PITPNM3: variants seen among roughly 807,000 people sequenced by gnomAD.
PITPNM3 encodes the protein PITPNM family member 3, also known as membrane-associated phosphatidylinositol transfer protein 3.
A neutral mutation model predicts 102.0 loss-of-function variants in PITPNM3; 26 were observed. The ratio of observed to expected loss-of-function variants is 0.25; its 90% CI spans 0.19 to 0.35. The LOEUF is 0.35. Among genes scored for constraint, PITPNM3 ranks in the 10% least tolerant of loss-of-function variants. The pLI is 1.00. For missense variants in PITPNM3, 1,083 were observed against 1,346.1 expected (o/e 0.80, Z 3.06); for synonymous variants, 578 against 558.6 (o/e 1.03, Z -0.49).
At position 6,470,617 on chromosome 17, in the gene PITPNM3, C is replaced by T. The variant is rs772542567; in HGVS notation, c.1625-209G>A. On this transcript the variant is annotated intron_variant, in intron 12 of 19. Transcript: ENST00000262483. The surrounding 1 kb of genome is among the most constrained non-coding windows in gnomAD (Gnocchi z 4.8). Reference sequence around the variant, plus strand: ...CCCACCAGCCCTCCCCTAAGATGTGCGTGCCAAGCCCATGCCCAGGAAGGA... The same window carrying T: ...CCCACCAGCCCTCCCCTAAGATGTGTGTGCCAAGCCCATGCCCAGGAAGGA... 1.3e-5 allele frequency among the ~76,000 whole-genome samples: 2 copies of T among 152,154 alleles called. No individual in the cohort carries two copies. Among genetic ancestry groups the T allele is most frequent in the Admixed American group, 6.5e-5 (1 of 15,280 alleles).
Position 6,472,575 on chromosome 17 carries a change from C to T in PITPNM3, c.1429+82G>A. On this transcript the variant is annotated intron_variant, in intron 11 of 19. Transcript: ENST00000262483. The surrounding 1 kb of genome is among the most constrained non-coding windows in gnomAD (Gnocchi z 4.1). The stretch of plus-strand genomic sequence containing the variant: ...GCCCCTGCTCAGGTGAGTCACCCTA[C>T]TCACTGAGAGCTTGGAGGGGTTGAA... 3.3e-6 allele frequency: 5 copies of T among 1,514,624 alleles called. No individual in the cohort carries two copies. The highest frequency in any genetic ancestry group is 2.4e-5 in the South Asian group (2 of 83,734). 93.8% of individuals were successfully genotyped at this position (1,514,624 alleles called of 1,614,324 possible).
intron 2 of PITPNM3, among the ~76,000 whole-genome samples, chr17:6,530,824 A>G (rs1317956437): frequency 1.3e-5 from 2 of 152,228 alleles, no homozygotes; most frequent in Non-Finnish European, 2.9e-5. Flanking sequence ...TGGGAAACCG[A>G]AAGAAAAGTA....
chr17:6,461,586 C>T, intron 17 of PITPNM3, 30 bp from the exon 18 acceptor site: 8 of 1,611,442 alleles, frequency 5.0e-6, no homozygotes, highest in Non-Finnish European at 6.8e-6. Context: ...AGGGTCCAGC[C>T]CTGCCCAGTG....
At position 6,474,453 on chromosome 17, in the gene PITPNM3, T is replaced by C; in HGVS notation, c.1237A>G (p.Thr413Ala). Residue 413 changes from threonine to alanine, a missense_variant, in exon 10 of 20, where the codon ACG (threonine) becomes GCG (alanine). Around this residue, in one of 5 missense-constraint regions of PITPNM3, gnomAD observed 410 missense variants for 638.4 expected, o/e 0.64. Transcript: ENST00000262483. ...CTACCGTCCAGCCCAGGCAGCACCG[T>C]CCTCCGCATGGCCAGGACCAGGCCC... Reference protein sequence around the residue: ...PLGLVLAMRRTVLPGLDGFQV... With the variant: ...PLGLVLAMRRAVLPGLDGFQV... 1 of 1,613,398 alleles carries C rather than the reference T, an allele frequency of 6.2e-7. No individual in the cohort carries two copies. The highest frequency in any genetic ancestry group is 8.5e-7 in the Non-Finnish European group (1 of 1,179,946).
chr17:6,468,916 C>T lies in PITPNM3; in HGVS notation c.1774-575G>A, dbSNP rs376025491. The stretch of plus-strand genomic sequence containing the variant: ...AGCCCATATGCTGTCACCCCTTCCT[C>T]ACCTGCCCCCTCTCCTCCACCCACT... On this transcript the variant is annotated intron_variant, in intron 13 of 19. Coordinates refer to ENST00000262483, the MANE Select transcript of PITPNM3 (RefSeq NM_031220.4). This position sits in a 1 kb window ranked among gnomAD's most constrained non-coding sequence, Gnocchi z 5.2. Among the ~76,000 whole-genome samples, 182 of 152,286 alleles carry T rather than the reference C, an allele frequency of 1.2e-3. No individual in the cohort carries two copies. Among genetic ancestry groups the T allele is most frequent in the African/African-American group, 4.0e-3 (165 of 41,560 alleles).
intron 8 of PITPNM3, 122 bp downstream of exon 8, chr17:6,477,853 G>A: frequency 6.5e-7 from 1 of 1,538,364 alleles, no homozygotes; most frequent in African/African-American, 1.4e-5. Flanking sequence ...GCTGGATTAT[G>A]ATACACTTCT....
chr17:6,461,041 C>T, intron 18 of PITPNM3: 1 of 398,584 alleles, frequency 2.5e-6, no homozygotes. Flanking sequence ...TGTCTCTGTG[C>T]AGCCCCAACA....
At chr17:6,490,453 T>C (rs1021550156) in intron 4 of PITPNM3, among the ~76,000 whole-genome samples, 7 of 152,054 alleles carry the variant, frequency 4.6e-5, no homozygotes, top group Non-Finnish European at 8.8e-5. Flanking sequence ...CCAGCAGAAT[T>C]TGGCACTAGG....
Position 6,468,925 on chromosome 17 carries a change from C to T in PITPNM3, c.1774-584G>A, listed in dbSNP as rs1021735898. On this transcript the variant is annotated intron_variant, in intron 13 of 19. Transcript: ENST00000262483. The surrounding 1 kb of genome is among the most constrained non-coding windows in gnomAD (Gnocchi z 5.2). ...GCTGTCACCCCTTCCTCACCTGCCC[C>T]CTCTCCTCCACCCACTCCAGTCAGG... Among the ~76,000 whole-genome samples the T allele has an allele frequency of 1.3e-5, 2 of 152,154 alleles. No individual in the cohort carries two copies. The highest frequency in any genetic ancestry group is 2.9e-5 in the Non-Finnish European group (2 of 68,024).
chr17:6,482,908 C>A (rs747852488), intron 6 of PITPNM3, among the ~76,000 whole-genome samples: 1 of 151,450 alleles, frequency 6.6e-6, no homozygotes, highest in Admixed American at 6.6e-5. Context: ...ATGGGCTGGG[C>A]GACCCTGGGG....
Position 6,538,160 on chromosome 17 carries a change from G to C in PITPNM3, c.23-78C>G, listed in dbSNP as rs112007891. 2,566 of 1,048,914 alleles carry C rather than the reference G, an allele frequency of 2.4e-3. 30 individuals are homozygous for C. In the African/African-American group the frequency reaches 0.032, roughly 13 times the overall value. The allele number at this position is 1,048,914 out of a possible 1,614,324, so 65.0% of individuals were successfully genotyped here. On this transcript the variant is annotated intron_variant, in intron 1 of 19. Transcript: ENST00000262483. ...AGGGAGGTGACCCAAGACCCCCCTGGACTAAAGGCCAGTTAGCATCCTGCA... is the reference window on the plus strand; with the variant it reads ...AGGGAGGTGACCCAAGACCCCCCTGCACTAAAGGCCAGTTAGCATCCTGCA...
rs1304933702 is a variant in PITPNM3, at chr17:6,470,578, C to T, written c.1625-170G>A. 6.6e-6 allele frequency among the ~76,000 whole-genome samples: 1 copy of T among 152,154 alleles called. No individual in the cohort carries two copies. The highest frequency in any genetic ancestry group is 1.5e-5 in the Non-Finnish European group (1 of 68,014). ...CCTGGGGAACGCGCTGCTCTTCCTC[C>T]TTCCTTCTCAAAACCCACCAGCCCT... On this transcript the variant is annotated intron_variant, in intron 12 of 19. Coordinates refer to ENST00000262483, the MANE Select transcript of PITPNM3 (RefSeq NM_031220.4). This position sits in a 1 kb window ranked among gnomAD's most constrained non-coding sequence, Gnocchi z 4.8.
At chr17:6,476,878 A>G (rs1597371578) in intron 9 of PITPNM3, 151 bp downstream of exon 9, 181 of 789,122 alleles carry the variant, frequency 2.3e-4, no homozygotes, top group Admixed American at 1.2e-3. Context: ...GTGGTCCCTC[A>G]GTACAGGGCC....
At chr17:6,535,098 C>T (rs1224308550) in intron 2 of PITPNM3, among the ~76,000 whole-genome samples, 7 of 152,074 alleles carry the variant, frequency 4.6e-5, no homozygotes. Context: ...CTGAGTGGGG[C>T]TGGATTTAAT....
chr17:6,526,839 A>T (rs1219373554), intron 2 of PITPNM3, among the ~76,000 whole-genome samples: 1 of 152,252 alleles, frequency 6.6e-6, no homozygotes, highest in Non-Finnish European at 1.5e-5. Context: ...TAGAGCCAGG[A>T]TTTAAAACCA....
intron 4 of PITPNM3, among the ~76,000 whole-genome samples, chr17:6,500,828 A>G (rs1354751382): frequency 6.6e-6 from 1 of 152,104 alleles, no homozygotes; most frequent in Non-Finnish European, 1.5e-5. Context: ...AGCATGCACC[A>G]TCACACCTGG....
At chr17:6,525,690 A>G (rs1329649797) in intron 2 of PITPNM3, among the ~76,000 whole-genome samples, 1 of 152,218 alleles carries the variant, frequency 6.6e-6, no homozygotes, top group Non-Finnish European at 1.5e-5. Context: ...TGCAACAGCA[A>G]AAGAAAGTAA....
rs1187585738 is a variant in PITPNM3, at chr17:6,469,329, C to T, written c.1773+931G>A. On this transcript the variant is annotated intron_variant, in intron 13 of 19. Transcript: ENST00000262483. The surrounding 1 kb of genome is among the most constrained non-coding windows in gnomAD (Gnocchi z 4.0). The stretch of plus-strand genomic sequence containing the variant: ...CACCCAGACAGTCGTGGATGTGCCA[C>T]GTGGGGCACAGGTTTGGGCTGGAGC... Among the ~76,000 whole-genome samples, 1 of 152,172 alleles carries T rather than the reference C, an allele frequency of 6.6e-6. No individual in the cohort carries two copies. The highest frequency in any genetic ancestry group is 2.4e-5 in the African/African-American group (1 of 41,436).
intron 3 of PITPNM3, among the ~76,000 whole-genome samples, chr17:6,516,802 G>T (rs556238482): frequency 6.6e-6 from 1 of 152,130 alleles, no homozygotes; most frequent in Admixed American, 6.5e-5. Flanking sequence ...GGCCGAGGTG[G>T]GCTGATCACT....
Sources: gnomAD v4.1 joint callset for allele counts (sites outside exome capture counted in the v4.1 genomes callset) on GRCh38, gnomAD v4.1.1 for gene constraint, gnomAD v4.1.1 regional missense constraint, Gnocchi (gnomAD v3.1) non-coding constraint, MANE v1.5 for transcripts, NCBI Gene and HGNC (gene_info 2026-07-23, HGNC 2026-07-21) for gene names.